The following CYP19A1 variants were observed in gnomAD, a reference collection of about 807,000 sequenced individuals.
The protein encoded by CYP19A1 is aromatase.
In CYP19A1, 32 loss-of-function variants were observed where a neutral mutation model predicts 44.4. The ratio of observed to expected loss-of-function variants is 0.72; its 90% CI spans 0.54 to 0.97. The LOEUF is 0.97. CYP19A1 is among the 50% of genes least tolerant of loss of function. The pLI is 0.00. For synonymous variants in CYP19A1, 212 were observed against 215.6 expected (o/e 0.98, Z 0.14); for missense variants, 598 against 637.8 (o/e 0.94, Z 0.67).
At chr15:51,263,868 C>G (rs573635031) in intron 1 of CYP19A1, among the ~76,000 whole-genome samples, 82 of 152,200 alleles carry the variant, frequency 5.4e-4, no homozygotes, top group Non-Finnish European at 9.3e-4. Context: ...GTGTGGAGGT[C>G]CCAGCTGAGT....
At chr15:51,217,987 A>G (rs571729222) in intron 6 of CYP19A1, among the ~76,000 whole-genome samples, 36 of 152,226 alleles carry the variant, frequency 2.4e-4, no homozygotes, top group African/African-American at 7.9e-4. Flanking sequence ...TGATTCTAAG[A>G]CCAAAACAAA....
chr15:51,298,980 G>A (rs1413277721), intron 1 of CYP19A1, among the ~76,000 whole-genome samples: 2 of 152,336 alleles, frequency 1.3e-5, no homozygotes, highest in East Asian at 3.9e-4. Flanking sequence ...GAGTGGCTGG[G>A]ACCAGGCACC....
intron 1 of CYP19A1, chr15:51,312,574 C>G (rs532981927): frequency 6.6e-6 from 1 of 152,482 alleles, no homozygotes; most frequent in East Asian, 1.9e-4. Flanking sequence ...CTGGGTAATG[C>G]CGGAGCCACG....
At chr15:51,336,850 C>T (rs1029477945) in intron 1 of CYP19A1, among the ~76,000 whole-genome samples, 1 of 151,920 alleles carries the variant, frequency 6.6e-6, no homozygotes, top group African/African-American at 2.4e-5. Flanking sequence ...TGAGATATCT[C>T]CCTGTGTCCG....
Position 51,236,991 on chromosome 15 carries a change from C to T in CYP19A1, c.164G>A (p.Gly55Glu). Residue 55 changes from glycine to glutamate, a missense_variant, in exon 3 of 10, where the codon GGA (glycine) becomes GAA (glutamate). Coordinates refer to ENST00000396402, the MANE Select transcript of CYP19A1 (RefSeq NM_000103.4). ...SSIPGPGYCMGIGPLISHGRF... is the reference protein window; with the variant it reads ...SSIPGPGYCMEIGPLISHGRF... ...GCCGTGGGAGATGAGGGGTCCAATT[C>T]CCATGCAGTAGCCAGGACCTAGGAC... 2 of 1,614,118 alleles carry T rather than the reference C, an allele frequency of 1.2e-6. No individual in the cohort carries two copies. Among genetic ancestry groups the T allele is most frequent in the African/African-American group, 1.3e-5 (1 of 75,032 alleles).
intron 1 of CYP19A1, among the ~76,000 whole-genome samples, chr15:51,276,077 G>C (rs1312091739): frequency 6.6e-6 from 1 of 152,206 alleles, no homozygotes; most frequent in South Asian, 2.1e-4. Flanking sequence ...CTGATAGAGA[G>C]GCTTGTTTTG....
chr15:51,258,108 C>G (rs2034581791), intron 1 of CYP19A1, among the ~76,000 whole-genome samples: 1 of 152,224 alleles, frequency 6.6e-6, no homozygotes, highest in African/African-American at 2.4e-5. Flanking sequence ...GGACTCAGAA[C>G]TAGGCTCTGT....
intron 1 of CYP19A1, among the ~76,000 whole-genome samples, chr15:51,274,332 G>A (rs2035230072): frequency 6.6e-6 from 1 of 152,302 alleles, no homozygotes; most frequent in East Asian, 1.9e-4. Flanking sequence ...TTCCTGAGCT[G>A]CCCATCAGCC....
At chr15:51,308,212 C>T (rs1012600125) in intron 1 of CYP19A1, among the ~76,000 whole-genome samples, 34 of 152,150 alleles carry the variant, frequency 2.2e-4, no homozygotes, top group Non-Finnish European at 3.5e-4. Flanking sequence ...CCCATGTCAA[C>T]GCCCCCAGCT....
intron 1 of CYP19A1, among the ~76,000 whole-genome samples, chr15:51,307,099 C>G (rs1342291433): frequency 2.0e-5 from 3 of 152,200 alleles, no homozygotes; most frequent in African/African-American, 7.2e-5. Context: ...CCTTTCCAAT[C>G]TGCAATGGAA....
At chr15:51,223,042 C>T (rs1373860238) in intron 4 of CYP19A1, among the ~76,000 whole-genome samples, 1 of 152,080 alleles carries the variant, frequency 6.6e-6, no homozygotes, top group African/African-American at 2.4e-5. Flanking sequence ...TGTAAAAATC[C>T]CCCAAAGTGC....
At chr15:51,305,470 C>T (rs2036197813) in intron 1 of CYP19A1, among the ~76,000 whole-genome samples, 1 of 152,102 alleles carries the variant, frequency 6.6e-6, no homozygotes, top group Non-Finnish European at 1.5e-5. Flanking sequence ...CAGTGATAGA[C>T]AGGGACACAG....
intron 1 of CYP19A1, among the ~76,000 whole-genome samples, chr15:51,272,661 A>G (rs1287052275): frequency 6.6e-6 from 1 of 152,226 alleles, no homozygotes; most frequent in Admixed American, 6.5e-5. Flanking sequence ...CAGAGTTCCT[A>G]TAATTGCTCC....
chr15:51,253,710 A>G (rs756810948), intron 1 of CYP19A1, among the ~76,000 whole-genome samples: 5 of 152,194 alleles, frequency 3.3e-5, no homozygotes, highest in Non-Finnish European at 7.3e-5. Flanking sequence ...TCATTGTAAC[A>G]TGTACCTGGA....
intron 3 of CYP19A1, among the ~76,000 whole-genome samples, chr15:51,235,020 G>A (rs1414982201): frequency 6.6e-6 from 1 of 152,112 alleles, no homozygotes; most frequent in Non-Finnish European, 1.5e-5. Flanking sequence ...GAGCTGAAAG[G>A]CAGGTGGCTG....
chr15:51,319,827 C>T (rs2036495579), intron 1 of CYP19A1, among the ~76,000 whole-genome samples: 2 of 152,268 alleles, frequency 1.3e-5, no homozygotes, highest in Non-Finnish European at 2.9e-5. Flanking sequence ...CCAGCTCTAC[C>T]TTAATAGTCA....
intron 2 of CYP19A1, 94 bp downstream of exon 2, chr15:51,242,674 G>T: frequency 1.3e-6 from 1 of 779,988 alleles, no homozygotes; most frequent in Non-Finnish European, 2.3e-6. Context: ...TTCCAGGTTT[G>T]CTTTTTGTCC....
At chr15:51,286,573 A>G (rs2035705749) in intron 1 of CYP19A1, among the ~76,000 whole-genome samples, 1 of 152,162 alleles carries the variant, frequency 6.6e-6, no homozygotes, top group African/African-American at 2.4e-5. Flanking sequence ...AAGCATGTCC[A>G]AAGCCCATGG....
chr15:51,245,668 C>G (rs939711736), intron 1 of CYP19A1, among the ~76,000 whole-genome samples: 1 of 152,136 alleles, frequency 6.6e-6, no homozygotes. Flanking sequence ...CTCAAATTTA[C>G]AAGAAAAAAA....
Sources: allele counts gnomAD v4.1 joint callset (sites outside exome capture counted in the v4.1 genomes callset), GRCh38; gene constraint gnomAD v4.1.1; transcripts MANE v1.5; gene names NCBI Gene and HGNC (gene_info 2026-07-23, HGNC 2026-07-21).